The following PTAFR variants were observed in gnomAD, a reference collection of about 807,000 sequenced individuals.
The protein encoded by PTAFR is platelet-activating factor receptor.
Under a neutral mutation model 14.7 loss-of-function variants are expected in PTAFR, and 8 were observed. That is an observed-to-expected ratio of 0.54 (90% CI 0.32 to 0.98). The LOEUF (loss-of-function observed/expected upper bound fraction) is 0.98. PTAFR is among the 50% of genes least tolerant of loss of function. The probability of loss-of-function intolerance (pLI) is 0.04; values close to 1 mark genes in which losing one functional copy is unlikely to be tolerated. For missense variants in PTAFR, 337 were observed against 451.2 expected (o/e 0.75, Z 2.29); for synonymous variants, 156 against 176.5 (o/e 0.88, Z 0.92).
intron 1 of PTAFR, among the ~76,000 whole-genome samples, chr1:28,168,445 CAT>C (rs1291831812): frequency 1.1e-4 from 17 of 152,216 alleles, no homozygotes; most frequent in South Asian, 4.1e-4. Flanking sequence ...AATTCTGACA[CAT>C]GTTACAACAT....
At chr1:28,191,202 C>G (rs1370073850) in intron 1 of PTAFR, among the ~76,000 whole-genome samples, 1 of 152,112 alleles carries the variant, frequency 6.6e-6, no homozygotes, top group African/African-American at 2.4e-5. Flanking sequence ...CCAGGCCTCG[C>G]GGGGGAGGCC....
intron 1 of PTAFR, among the ~76,000 whole-genome samples, chr1:28,184,099 T>TGG (rs1646586073): frequency 7.3e-6 from 1 of 137,540 alleles, no homozygotes; most frequent in African/African-American, 2.7e-5. Flanking sequence ...TTTTTTTTTT[T>TGG]TTTTTTTTTT....
At chr1:28,179,481 A>G (rs917762229), upstream of PTAFR, among the ~76,000 whole-genome samples, 2 of 152,132 alleles carry the variant, frequency 1.3e-5, no homozygotes, top group Non-Finnish European at 2.9e-5. Flanking sequence ...CACACCCCAC[A>G]TCCATTCTGT....
chr1:28,167,948 ATCT>A (rs1323613634), intron 1 of PTAFR, among the ~76,000 whole-genome samples: 32 of 96,786 alleles, frequency 3.3e-4, no homozygotes, highest in African/African-American at 1.1e-3. Context: ...TGAAAACCAG[ATCT>A]TTTTTTTTTT....
rs544928356 is a variant in PTAFR, at chr1:28,148,680, T to A, written c.*1313A>T. On this transcript the variant is annotated 3_prime_UTR_variant, in exon 2 of 2. Transcript: ENST00000373857. ...GGTTTTACCATATTGGTCAGGCTGG[T>A]CTCAAACTCCTAACTTCAAATGATC... 6.6e-6 allele frequency: 1 copy of A among 152,376 alleles called. No homozygotes were observed. The highest frequency in any genetic ancestry group is 1.9e-4 in the East Asian group (1 of 5,194). The allele number at this position is 152,376 out of a possible 1,614,324, so 9.4% of individuals were successfully genotyped here. A position where few individuals can be genotyped will look rare whatever the true frequency, so the allele number is the denominator to read the frequency against.
chr1:28,166,726 CA>C (rs1646389998), intron 1 of PTAFR, among the ~76,000 whole-genome samples: 1 of 152,052 alleles, frequency 6.6e-6, no homozygotes, highest in East Asian at 1.9e-4. Flanking sequence ...CCTGTAATCC[CA>C]GAACTTTGAG....
At chr1:28,151,538 G>A (rs1346868500) in intron 1 of PTAFR, among the ~76,000 whole-genome samples, 3 of 152,078 alleles carry the variant, frequency 2.0e-5, no homozygotes, top group African/African-American at 7.2e-5. Context: ...TTAAGTCAGA[G>A]GGTGGAATGG....
intron 1 of PTAFR, among the ~76,000 whole-genome samples, chr1:28,164,809 T>A (rs1378498517): frequency 6.6e-6 from 1 of 152,190 alleles, no homozygotes; most frequent in Non-Finnish European, 1.5e-5. Context: ...GAGCTCCAGA[T>A]GCTGTGAGGC....
chr1:28,149,909 C>T lies in PTAFR; in HGVS notation c.*84G>A. The T allele has an allele frequency of 6.6e-7, 1 of 1,505,366 alleles. No individual in the cohort carries two copies. Among genetic ancestry groups the T allele is most frequent in the Non-Finnish European group, 9.0e-7 (1 of 1,115,310 alleles). The allele number at this position is 1,505,366 out of a possible 1,614,324, so 93.3% of individuals were successfully genotyped here. On this transcript the variant is annotated 3_prime_UTR_variant, in exon 2 of 2. Coordinates refer to ENST00000373857, the MANE Select transcript of PTAFR (RefSeq NM_000952.5). ...CCACCAGTGCCCACAGAGGTGGTGC[C>T]CAGACCACAGTAGATATCCCTTCTT...
At chr1:28,192,106 A>G (rs1020908674) in intron 1 of PTAFR, among the ~76,000 whole-genome samples, 3 of 151,832 alleles carry the variant, frequency 2.0e-5, no homozygotes, top group Non-Finnish European at 4.4e-5. Context: ...AAAAAAAAAA[A>G]GGTGGACTCT....
chr1:28,151,744 C>T (rs984322357), intron 1 of PTAFR, among the ~76,000 whole-genome samples: 5 of 152,056 alleles, frequency 3.3e-5, no homozygotes, highest in Admixed American at 3.3e-4. Flanking sequence ...GTCTTTCCAT[C>T]CCTTTTGCCA....
chr1:28,180,395 A>AT (rs1646552727), upstream of PTAFR, among the ~76,000 whole-genome samples: 2 of 152,118 alleles, frequency 1.3e-5, no homozygotes, highest in South Asian at 2.1e-4. Context: ...ATATATATAT[A>AT]AAAAAGAAGT....
At chr1:28,166,038 A>G (rs771601756) in intron 1 of PTAFR, among the ~76,000 whole-genome samples, 2 of 152,236 alleles carry the variant, frequency 1.3e-5, no homozygotes, top group African/African-American at 2.4e-5. Context: ...AAACTGAAAG[A>G]CAACTCCTGA....
intron 1 of PTAFR, among the ~76,000 whole-genome samples, chr1:28,164,031 G>T (rs987435763): frequency 1.3e-5 from 2 of 152,154 alleles, no homozygotes; most frequent in African/African-American, 4.8e-5. Flanking sequence ...TCTGGATCTG[G>T]TACCCTTTTC....
intron 1 of PTAFR, among the ~76,000 whole-genome samples, chr1:28,190,618 T>C (rs1646644398): frequency 6.6e-6 from 1 of 151,852 alleles, no homozygotes; most frequent in African/African-American, 2.4e-5. Flanking sequence ...TAAGAAGGGG[T>C]GGTATAGACA....
chr1:28,149,888 C>A lies in PTAFR; in HGVS notation c.*105G>T, dbSNP rs999860012. The A allele has an allele frequency of 4.1e-5, 58 of 1,410,366 alleles. No individual in the cohort carries two copies. The highest frequency in any genetic ancestry group is 5.1e-5 in the Non-Finnish European group (53 of 1,041,846). The allele number at this position is 1,410,366 out of a possible 1,614,324, so 87.4% of individuals were successfully genotyped here. On this transcript the variant is annotated 3_prime_UTR_variant, in exon 2 of 2. Coordinates refer to ENST00000373857, the MANE Select transcript of PTAFR (RefSeq NM_000952.5). ...GTAGCCTCCAAATCTAATGGCCCAC[C>A]AGTGCCCACAGAGGTGGTGCCCAGA...
intron 1 of PTAFR, among the ~76,000 whole-genome samples, chr1:28,184,060 A>G (rs1296893611): frequency 7.1e-6 from 1 of 141,246 alleles, no homozygotes; most frequent in African/African-American, 2.7e-5. Flanking sequence ...CCCTGCTTCC[A>G]TACTCACGTC....
rs193213476 is a variant in PTAFR at position 28,153,685 on chromosome 1, C to T, written c.-38-2626G>A. On this transcript the variant is annotated intron_variant, in intron 1 of 1. Coordinates refer to ENST00000373857, the MANE Select transcript of PTAFR (RefSeq NM_000952.5). ...CAGGCACATCACAAGGTCAGGAGTTCGAGACCCACCTGGCCAATATGGTGA... is the reference window on the plus strand; with the variant it reads ...CAGGCACATCACAAGGTCAGGAGTTTGAGACCCACCTGGCCAATATGGTGA... Among the ~76,000 whole-genome samples, 12 of 151,550 alleles carry T rather than the reference C, an allele frequency of 7.9e-5. No individual in the cohort carries two copies. In the East Asian group the frequency reaches 1.4e-3, roughly 17 times the overall value.
At chr1:28,186,156 G>C (rs1396517562) in intron 1 of PTAFR, among the ~76,000 whole-genome samples, 1 of 151,744 alleles carries the variant, frequency 6.6e-6, no homozygotes, top group African/African-American at 2.4e-5. Flanking sequence ...TTTTTGTTTT[G>C]TTTTGTTTAG....
Sources: gnomAD v4.1 joint callset for allele counts (sites outside exome capture counted in the v4.1 genomes callset) on GRCh38, gnomAD v4.1.1 for gene constraint, MANE v1.5 for transcripts, NCBI Gene and HGNC (gene_info 2026-07-23, HGNC 2026-07-21) for gene names.